The following UNC5B variants were observed in gnomAD, a reference collection of about 807,000 sequenced individuals.
UNC5B encodes netrin receptor UNC5B.
UNC5B carries 56 observed loss-of-function variants against 103.7 expected under a neutral mutation model. The ratio of observed to expected loss-of-function variants is 0.54; its 90% confidence interval spans 0.44 to 0.67. UNC5B has a LOEUF of 0.67. Among genes scored for constraint, UNC5B ranks in the 30% least tolerant of loss-of-function variants. UNC5B has a pLI of 0.00. For synonymous variants in UNC5B, 577 were observed against 542.0 expected (o/e 1.06, Z -0.90); for missense variants, 1,194 against 1,284.5 (o/e 0.93, Z 1.08).
intron 1 of UNC5B, among the ~76,000 whole-genome samples, chr10:71,264,536 T>A (rs1400250854): frequency 6.6e-6 from 1 of 152,212 alleles, no homozygotes; most frequent in Non-Finnish European, 1.5e-5. Context: ...TGCTGTGTAA[T>A]TCCTTCAGCT....
chr10:71,284,614 T>C lies in UNC5B; in HGVS notation c.305-106T>C, dbSNP rs896439780. ...ACAAGAGGAATGGAGGGAAAGGCAC[T>C]TGGGCAAGAGTGCCAGCAGGATCCG... On this transcript the variant is annotated intron_variant, in intron 2 of 16. Coordinates refer to ENST00000335350, the MANE Select transcript of UNC5B (RefSeq NM_170744.5). 85 of 1,523,454 alleles carry C rather than the reference T, an allele frequency of 5.6e-5. No individual in the cohort carries two copies. The Admixed American group carries it at 1.6e-3, about 28-fold the overall frequency. The allele number at this position is 1,523,454 out of a possible 1,614,324, so 94.4% of individuals were successfully genotyped here.
At chr10:71,295,711 C>A in intron 13 of UNC5B, 100 bp from the exon 14 acceptor site, 2 of 1,421,892 alleles carry the variant, frequency 1.4e-6, no homozygotes, top group Non-Finnish European at 1.9e-6. Flanking sequence ...CCCAGCCATG[C>A]ACTCAGATGG....
At chr10:71,216,673 T>C (rs1413056347) in intron 1 of UNC5B, among the ~76,000 whole-genome samples, 5 of 152,226 alleles carry the variant, frequency 3.3e-5, no homozygotes, top group Admixed American at 1.3e-4. Context: ...CCTTTGTTGT[T>C]GAGTTTCTCC....
intron 1 of UNC5B, among the ~76,000 whole-genome samples, chr10:71,257,992 A>G (rs1056267427): frequency 2.6e-5 from 4 of 152,212 alleles, no homozygotes; most frequent in Non-Finnish European, 5.9e-5. Flanking sequence ...AGAGGCTTGA[A>G]GTGCCATGCC....
chr10:71,212,911 C>G lies in UNC5B; in HGVS notation c.-75C>G. ...GACGGCGAGGAGGAGGCGGCGGCGGCGGAGACGGCGGCGGCGAGACTGGGG... is the reference window on the plus strand; with the variant it reads ...GACGGCGAGGAGGAGGCGGCGGCGGGGGAGACGGCGGCGGCGAGACTGGGG... On this transcript the variant is annotated 5_prime_UTR_variant, in exon 1 of 17. Coordinates refer to ENST00000335350, the MANE Select transcript of UNC5B (RefSeq NM_170744.5). 1 of 1,160,518 alleles carries G rather than the reference C, an allele frequency of 8.6e-7. No individual in the cohort carries two copies. Among genetic ancestry groups the G allele is most frequent in the East Asian group, 3.2e-5 (1 of 31,354 alleles). The allele number at this position is 1,160,518 out of a possible 1,614,324, so 71.9% of individuals were successfully genotyped here.
intron 1 of UNC5B, among the ~76,000 whole-genome samples, chr10:71,269,941 T>G (rs1844605069): frequency 6.6e-6 from 1 of 151,874 alleles, no homozygotes; most frequent in African/African-American, 2.4e-5. Context: ...TATGTGTGTG[T>G]GGGAGGGGTT....
At chr10:71,264,324 A>C (rs1255460192) in intron 1 of UNC5B, among the ~76,000 whole-genome samples, 2 of 152,254 alleles carry the variant, frequency 1.3e-5, no homozygotes, top group Non-Finnish European at 2.9e-5. Flanking sequence ...TCTTTTTAAC[A>C]TGCCCAGCAC....
intron 1 of UNC5B, among the ~76,000 whole-genome samples, chr10:71,222,600 G>A (rs1040760368): frequency 6.6e-6 from 1 of 152,180 alleles, no homozygotes; most frequent in African/African-American, 2.4e-5. Flanking sequence ...GCATCTCTGG[G>A]CAGAACAGTG....
rs1307064918 is a variant in UNC5B, at chr10:71,213,488, G to A, written c.79+424G>A. On this transcript the variant is annotated intron_variant, in intron 1 of 16. Coordinates refer to ENST00000335350, the MANE Select transcript of UNC5B (RefSeq NM_170744.5). The surrounding 1 kb of genome is among the most constrained non-coding windows in gnomAD (Gnocchi z 4.1). ...TAACTTACTAGTCTGGTCCCGGCTC[G>A]CCTAGGCTCTTACGCGCTATAGGGA... Among the ~76,000 whole-genome samples, 1 of 152,022 alleles carries A rather than the reference G, an allele frequency of 6.6e-6. No homozygotes were observed. The highest frequency in any genetic ancestry group is 1.5e-5 in the Non-Finnish European group (1 of 67,998).
rs547852056 is a variant in UNC5B at position 71,262,082 on chromosome 10, G to C, written c.80-17739G>C. Among the ~76,000 whole-genome samples, 11 of 152,218 alleles carry C rather than the reference G, an allele frequency of 7.2e-5. No homozygotes were observed. The East Asian group carries it at 2.1e-3, about 29-fold the overall frequency. On this transcript the variant is annotated intron_variant, in intron 1 of 16. Coordinates refer to ENST00000335350, the MANE Select transcript of UNC5B (RefSeq NM_170744.5). The stretch of plus-strand genomic sequence containing the variant: ...GTTCGCTCTCAACTCTCCCGAGACC[G>C]CAGCCCCAGCCTGAGCTGGCTTCTC...
intron 1 of UNC5B, among the ~76,000 whole-genome samples, chr10:71,241,186 A>G (rs2894147): frequency 0.39 from 59,432 of 151,930 alleles, 11,931 homozygotes; most frequent in East Asian, 0.51. Flanking sequence ...TTCATGTCCT[A>G]GCTCCAGACC....
At chr10:71,229,357 G>A (rs1444743142) in intron 1 of UNC5B, among the ~76,000 whole-genome samples, 1 of 152,216 alleles carries the variant, frequency 6.6e-6, no homozygotes, top group African/African-American at 2.4e-5. Context: ...CTGGGAGGAT[G>A]GTGGGGGCAT....
intron 1 of UNC5B, among the ~76,000 whole-genome samples, chr10:71,245,380 T>C (rs1010551258): frequency 5.9e-5 from 9 of 152,158 alleles, no homozygotes; most frequent in Non-Finnish European, 1.2e-4. Flanking sequence ...CTCTGTCTTA[T>C]TGATGGGGTA....
chr10:71,254,919 G>A (rs1439335822), intron 1 of UNC5B, among the ~76,000 whole-genome samples: 3 of 152,178 alleles, frequency 2.0e-5, no homozygotes, highest in Non-Finnish European at 4.4e-5. Context: ...TCCCCAAATG[G>A]TGGGAACTAA....
intron 3 of UNC5B, 59 bp downstream of exon 3, chr10:71,284,922 C>G: frequency 6.5e-7 from 1 of 1,528,640 alleles, no homozygotes; most frequent in Non-Finnish European, 8.8e-7. Flanking sequence ...CCTGAGGATG[C>G]TGGAGAGGGA....
At position 71,290,915 on chromosome 10, in the gene UNC5B, T is replaced by C; in HGVS notation, c.1100T>C (p.Leu367Pro). The C allele has an allele frequency of 6.2e-7, 1 of 1,611,368 alleles. No homozygotes were observed. Among genetic ancestry groups the C allele is most frequent in the Non-Finnish European group, 8.5e-7 (1 of 1,179,422 alleles). Residue 367 changes from leucine to proline, a missense_variant and splice_region_variant, in exon 9 of 17, where the codon CTG becomes CCG. Coordinates refer to ENST00000335350, the MANE Select transcript of UNC5B (RefSeq NM_170744.5). ...KKTLSDPNSH[L>P]LEASGDAALY... ...TTATGTGGTCCTCCTGTCCCCGCAGTGCTGGAGGCCTCAGGGGATGCGGCG... is the reference window on the plus strand; with the variant it reads ...TTATGTGGTCCTCCTGTCCCCGCAGCGCTGGAGGCCTCAGGGGATGCGGCG...
At chr10:71,284,277 C>G (rs1391875632) in intron 2 of UNC5B, among the ~76,000 whole-genome samples, 1 of 152,100 alleles carries the variant, frequency 6.6e-6, no homozygotes, top group Non-Finnish European at 1.5e-5. Context: ...GACTGATGTG[C>G]AAGGGCCCCG....
intron 1 of UNC5B, among the ~76,000 whole-genome samples, chr10:71,216,206 C>T (rs531417638): frequency 6.6e-6 from 1 of 152,336 alleles, no homozygotes; most frequent in East Asian, 1.9e-4. Context: ...GTGCTTCTAG[C>T]TCCTTCATTC....
intron 1 of UNC5B, among the ~76,000 whole-genome samples, chr10:71,264,329 C>T (rs1049518381): frequency 6.6e-6 from 1 of 152,178 alleles, no homozygotes; most frequent in Non-Finnish European, 1.5e-5. Context: ...TTAACATGCC[C>T]AGCACTCCTC....
Sources: gnomAD v4.1 joint callset for allele counts (sites outside exome capture counted in the v4.1 genomes callset) on GRCh38, gnomAD v4.1.1 for gene constraint, Gnocchi (gnomAD v3.1) non-coding constraint, MANE v1.5 for transcripts, NCBI Gene and HGNC (gene_info 2026-07-23, HGNC 2026-07-21) for gene names.